The following LIMA1 variants were observed in gnomAD, a reference collection of about 807,000 sequenced individuals.
LIMA1 encodes the protein LIM domain and actin binding 1.
A neutral mutation model predicts 62.6 loss-of-function variants in LIMA1; 52 were observed. The observed-to-expected ratio is 0.83, with a 90% CI of 0.67 to 1.05. The LOEUF (loss-of-function observed/expected upper bound fraction) is 1.05. LIMA1 is among the 50% of genes least tolerant of loss of function. The pLI, the probability that LIMA1 is intolerant of heterozygous loss-of-function variation, is 0.00. For missense variants in LIMA1, 780 were observed against 902.2 expected (o/e 0.86, Z 1.74); for synonymous variants, 302 against 317.8 (o/e 0.95, Z 0.53).
intron 6 of LIMA1, among the ~76,000 whole-genome samples, chr12:50,203,820 A>G (rs990755069): frequency 2.0e-5 from 3 of 152,208 alleles, no homozygotes; most frequent in African/African-American, 4.8e-5. Context: ...CGTAAGGATT[A>G]AAGATTAAGT....
intron 1 of LIMA1, among the ~76,000 whole-genome samples, chr12:50,268,594 AATTATTATT>A (rs140101130): frequency 4.0e-5 from 6 of 149,188 alleles, no homozygotes; most frequent in Non-Finnish European, 8.9e-5. Context: ...GCCATGAAGC[AATTATTATT>A]ATTATTATTA....
In LIMA1 at chr12:50,212,077, A is replaced by C. The variant is rs143708542; in HGVS notation, c.631-6009T>G. Among the ~76,000 whole-genome samples, 441 of 152,380 alleles carry C rather than the reference A, an allele frequency of 2.9e-3. 1 individual carries two copies. Among genetic ancestry groups the C allele is most frequent in the African/African-American group, 9.8e-3 (407 of 41,588 alleles). Reference sequence around the variant, plus strand: ...CCATAAATCAAACGCACCAAGATGTACTAGTAAGAGGATAAAAGTTTTAGA... The same window carrying C: ...CCATAAATCAAACGCACCAAGATGTCCTAGTAAGAGGATAAAAGTTTTAGA... On this transcript the variant is annotated intron_variant, in intron 4 of 10. Transcript: ENST00000341247.
chr12:50,280,961 C>T (rs1942333247), intron 1 of LIMA1, among the ~76,000 whole-genome samples: 1 of 152,162 alleles, frequency 6.6e-6, no homozygotes, highest in African/African-American at 2.4e-5. Context: ...TAACTTAGGA[C>T]TCGTTATACA....
intron 1 of LIMA1, among the ~76,000 whole-genome samples, chr12:50,266,874 T>C (rs1322296213): frequency 1.3e-5 from 2 of 152,162 alleles, no homozygotes; most frequent in Non-Finnish European, 2.9e-5. Context: ...TTTTCAAATA[T>C]GTGTTGGCCA....
At chr12:50,282,478 A>C (rs1270566997) in intron 1 of LIMA1, among the ~76,000 whole-genome samples, 1 of 152,202 alleles carries the variant, frequency 6.6e-6, no homozygotes, top group Non-Finnish European at 1.5e-5. Flanking sequence ...CAATTGAACC[A>C]TCTGGATTAG....
chr12:50,270,871 T>A (rs993877847), intron 1 of LIMA1, among the ~76,000 whole-genome samples: 4 of 152,034 alleles, frequency 2.6e-5, no homozygotes, highest in African/African-American at 9.7e-5. Context: ...GGTGGGCGGA[T>A]GACGAGGTCA....
intron 1 of LIMA1, among the ~76,000 whole-genome samples, chr12:50,261,693 G>A (rs1407518107): frequency 6.6e-6 from 1 of 151,916 alleles, no homozygotes; most frequent in African/African-American, 2.4e-5. Context: ...CTGAGACAAG[G>A]TCTCACTCTT....
rs138501981 is a variant in LIMA1, at chr12:50,177,690, A to G, written c.1654T>C (p.Ser552Pro). The change falls in exon 11 of 11, where the codon TCA becomes CCA. Residue 552 changes from serine (S) to proline (P), a missense_variant. By Grantham distance (74) the Ser-to-Pro change is moderately conservative. Coordinates refer to ENST00000341247, the MANE Select transcript of LIMA1 (RefSeq NM_016357.5). ...TCTTCAGGAGGCCATTTGGGCTTTG[A>G]CATTTTGATCCCTTCCTCCAAGGCA... is the stretch of plus-strand genomic sequence containing the variant. ...GSALEEGIKM[S>P]KPKWPPEDEI... 1 of 1,610,624 alleles carries G rather than the reference A, an allele frequency of 6.2e-7. No homozygotes were observed.
chr12:50,232,174 C>G (rs1941621739), intron 2 of LIMA1, among the ~76,000 whole-genome samples: 2 of 149,832 alleles, frequency 1.3e-5, no homozygotes, highest in South Asian at 4.3e-4. Context: ...AACCTCCTGT[C>G]TCAGCCTCCT....
At position 50,247,014 on chromosome 12, in the gene LIMA1, T is replaced by C. The variant is rs560559566; in HGVS notation, c.119+1619A>G. Among the ~76,000 whole-genome samples the C allele has an allele frequency of 1.4e-4, 21 of 152,276 alleles. 1 individual carries two copies. The highest frequency in any genetic ancestry group is 2.8e-4 in the Non-Finnish European group (19 of 68,004). On this transcript the variant is annotated intron_variant, in intron 2 of 10. Transcript: ENST00000341247. ...GGCCAGGCACAGTGGTGTGTGCCTA[T>C]AGTCCCAGCTACTCAGAAGGCTGAG...
At position 50,176,829 on chromosome 12, in the gene LIMA1, C is replaced by A; in HGVS notation, c.*235G>T. ...AGTTACAAGCCTTACAGCACTTATG[C>A]ATATCATCACTGCTAAAATGAAGAA... On this transcript the variant is annotated 3_prime_UTR_variant, in exon 11 of 11. Coordinates refer to ENST00000341247, the MANE Select transcript of LIMA1 (RefSeq NM_016357.5). The A allele has an allele frequency of 2.3e-6, 1 of 431,546 alleles. No homozygotes were observed. The highest frequency in any genetic ancestry group is 4.1e-6 in the Non-Finnish European group (1 of 245,084). 26.7% of individuals were successfully genotyped at this position (431,546 alleles called of 1,614,324 possible).
At chr12:50,280,854 C>T (rs2138720971) in intron 1 of LIMA1, among the ~76,000 whole-genome samples, 1 of 152,228 alleles carries the variant, frequency 6.6e-6, no homozygotes, top group South Asian at 2.1e-4. Flanking sequence ...TTACTGTATG[C>T]AATCTAAAAT....
At chr12:50,213,832 C>T (rs1941298414) in intron 4 of LIMA1, among the ~76,000 whole-genome samples, 2 of 152,070 alleles carry the variant, frequency 1.3e-5, no homozygotes, top group Admixed American at 6.6e-5. Context: ...CCTGACATTG[C>T]TTGTTGATAT....
intron 3 of LIMA1, 167 bp from the exon 4 acceptor site, chr12:50,222,652 G>T: frequency 6.5e-7 from 1 of 1,527,198 alleles, no homozygotes; most frequent in Non-Finnish European, 8.8e-7. Flanking sequence ...GCATCCACCC[G>T]GCAGAGGGAG....
At chr12:50,202,778 C>T (rs1330596163) in intron 6 of LIMA1, among the ~76,000 whole-genome samples, 1 of 152,152 alleles carries the variant, frequency 6.6e-6, no homozygotes, top group Non-Finnish European at 1.5e-5. Context: ...TCCCAGAATA[C>T]TCATTATGGT....
At chr12:50,221,953 A>T (rs1941448770) in intron 4 of LIMA1, 68 bp downstream of exon 4, 5 of 1,380,772 alleles carry the variant, frequency 3.6e-6, no homozygotes, top group Non-Finnish European at 5.0e-6. Flanking sequence ...AAATAGCTAG[A>T]TTGGAAAAAC....
chr12:50,193,368 C>T (rs946427125), intron 8 of LIMA1, among the ~76,000 whole-genome samples: 2 of 150,722 alleles, frequency 1.3e-5, no homozygotes, highest in African/African-American at 2.4e-5. Flanking sequence ...ATTCATCATT[C>T]TATTTCAGTT....
At chr12:50,254,358 A>AT (rs577587701) in intron 1 of LIMA1, among the ~76,000 whole-genome samples, 99 of 152,316 alleles carry the variant, frequency 6.5e-4, no homozygotes, top group African/African-American at 2.1e-3. Flanking sequence ...CAAATGGCAG[A>AT]TTTTTTTCAT....
At chr12:50,179,039 A>T (rs1293411059) in intron 10 of LIMA1, among the ~76,000 whole-genome samples, 1 of 149,542 alleles carries the variant, frequency 6.7e-6, no homozygotes, top group Non-Finnish European at 1.5e-5. Context: ...GCAGTTGCAC[A>T]ATCTTGGCTC....
Sources: gnomAD v4.1 joint callset for allele counts (sites outside exome capture counted in the v4.1 genomes callset) on GRCh38, gnomAD v4.1.1 for gene constraint, MANE v1.5 for transcripts, NCBI Gene and HGNC (gene_info 2026-07-23, HGNC 2026-07-21) for gene names.